Variants in DAPK1 observed in about 807,000 individuals in gnomAD.
The protein encoded by DAPK1 is death-associated protein kinase 1.
In DAPK1, 56 loss-of-function variants were observed where a neutral mutation model predicts 144.9. That is an observed-to-expected ratio of 0.39 (90% CI 0.31 to 0.48). The LOEUF is 0.48. Among genes scored for constraint, DAPK1 ranks in the 20% least tolerant of loss-of-function variants. The pLI, the probability that DAPK1 is intolerant of heterozygous loss-of-function variation, is 0.95. For missense variants in DAPK1, 1,454 were observed against 1,875.4 expected (o/e 0.78, Z 4.15); for synonymous variants, 690 against 749.0 (o/e 0.92, Z 1.29).
chr9:87,656,191 T>C (rs1238072882), intron 17 of DAPK1, among the ~76,000 whole-genome samples: 1 of 152,118 alleles, frequency 6.6e-6, no homozygotes, highest in Non-Finnish European at 1.5e-5. Flanking sequence ...GGGAAGCCAG[T>C]GTGTCTGCCG....
At chr9:87,666,092 A>G (rs1156432616) in intron 18 of DAPK1, among the ~76,000 whole-genome samples, 1 of 152,214 alleles carries the variant, frequency 6.6e-6, no homozygotes, top group Non-Finnish European at 1.5e-5. Context: ...ACAGAAGGCC[A>G]GGTAGTTAGG....
Position 87,643,423 on chromosome 9 carries a change from C to T in DAPK1, c.966C>T (p.Phe322=), listed in dbSNP as rs747640962. 3.1e-6 allele frequency: 5 copies of T among 1,602,246 alleles called. No homozygotes were observed. The highest frequency in any genetic ancestry group is 4.3e-6 in the Non-Finnish European group (5 of 1,175,776). Residue 322 remains phenylalanine (F), a synonymous_variant, in exon 11 of 26, where the codon TTC becomes TTT. Coordinates refer to ENST00000408954, the MANE Select transcript of DAPK1 (RefSeq NM_004938.4). ...ISLCQRLSRS[F]LSRSNMSVAR... is the part of the protein sequence containing the mutation. ...TGTGCCAAAGATTATCCAGGTCATT[C>T]CTGTCCAGAAGTAACATGAGTGTTG...
intron 25 of DAPK1, among the ~76,000 whole-genome samples, chr9:87,705,865 A>T (rs36220120): frequency 1.3e-5 from 2 of 150,640 alleles, no homozygotes; most frequent in East Asian, 2.0e-4. Flanking sequence ...GCCATCTCCC[A>T]TTTTTTTTTC....
At chr9:87,540,472 T>A (rs1386868287) in intron 2 of DAPK1, among the ~76,000 whole-genome samples, 1 of 152,228 alleles carries the variant, frequency 6.6e-6, no homozygotes, top group Non-Finnish European at 1.5e-5. Context: ...GTTACCGGCA[T>A]GAGCCGCCGT....
At chr9:87,600,220 T>C (rs1828468124) in intron 2 of DAPK1, among the ~76,000 whole-genome samples, 1 of 152,180 alleles carries the variant, frequency 6.6e-6, no homozygotes, top group Non-Finnish European at 1.5e-5. Flanking sequence ...CACGATCCTC[T>C]CCAATTTTCC....
intron 2 of DAPK1, among the ~76,000 whole-genome samples, chr9:87,561,429 G>A (rs1422493134): frequency 7.2e-5 from 11 of 152,062 alleles, no homozygotes; most frequent in Admixed American, 7.2e-4. Context: ...GGGAGGCTGA[G>A]GCAGGAGAAT....
chr9:87,576,663 T>C (rs1367453017), intron 2 of DAPK1, among the ~76,000 whole-genome samples: 2 of 152,210 alleles, frequency 1.3e-5, no homozygotes, highest in African/African-American at 4.8e-5. Flanking sequence ...GTTCAAGTGA[T>C]TCTCCTGCCT....
intron 2 of DAPK1, among the ~76,000 whole-genome samples, chr9:87,593,217 G>A (rs1828202010): frequency 6.6e-6 from 1 of 152,224 alleles, no homozygotes; most frequent in South Asian, 2.1e-4. Context: ...ATGCCACATA[G>A]TGCCAGTGCC....
chr9:87,675,589 C>G (rs1824337248), intron 19 of DAPK1, among the ~76,000 whole-genome samples: 1 of 151,962 alleles, frequency 6.6e-6, no homozygotes, highest in South Asian at 2.1e-4. Context: ...GGGCCAAGTG[C>G]AGGCAGGTGT....
chr9:87,626,260 A>C (rs1829485556), intron 3 of DAPK1, among the ~76,000 whole-genome samples: 1 of 152,144 alleles, frequency 6.6e-6, no homozygotes. Context: ...AACTAAACAC[A>C]AAAAATTAGC....
chr9:87,593,684 T>C (rs942984083), intron 2 of DAPK1, among the ~76,000 whole-genome samples: 3 of 152,228 alleles, frequency 2.0e-5, no homozygotes, highest in Admixed American at 2.0e-4. Context: ...ATAAGGAACT[T>C]CAGCTTAGCT....
chr9:87,555,924 G>A (rs1038212655), intron 2 of DAPK1, among the ~76,000 whole-genome samples: 1 of 152,234 alleles, frequency 6.6e-6, no homozygotes, highest in East Asian at 1.9e-4. Flanking sequence ...AATTGCATGG[G>A]AAAATTATTA....
intron 3 of DAPK1, among the ~76,000 whole-genome samples, chr9:87,637,339 G>A (rs940009657): frequency 1.3e-5 from 2 of 151,960 alleles, no homozygotes; most frequent in African/African-American, 4.8e-5. Flanking sequence ...TGATCCGCCC[G>A]CCTCAGCCTC....
At chr9:87,550,339 G>C (rs1039666535) in intron 2 of DAPK1, among the ~76,000 whole-genome samples, 2 of 152,248 alleles carry the variant, frequency 1.3e-5, no homozygotes, top group African/African-American at 4.8e-5. Context: ...TGCTAGGGCT[G>C]TTATAACAAA....
chr9:87,575,472 T>C lies in DAPK1; in HGVS notation c.63-29482T>C, dbSNP rs143650282. Among the ~76,000 whole-genome samples, 1,115 of 152,050 alleles carry C rather than the reference T, an allele frequency of 7.3e-3. 15 individuals carry two copies. The highest frequency in any genetic ancestry group is 0.026 in the African/African-American group (1,058 of 41,466). On this transcript the variant is annotated intron_variant, in intron 2 of 25. Coordinates refer to ENST00000408954, the MANE Select transcript of DAPK1 (RefSeq NM_004938.4). ...GCATTGGGTGCTTTATGGGGTGTTGTGAGGGCAAGAAACCTTAAGGAGCGT... is the reference window on the plus strand; with the variant it reads ...GCATTGGGTGCTTTATGGGGTGTTGCGAGGGCAAGAAACCTTAAGGAGCGT...
intron 4 of DAPK1, 90 bp downstream of exon 4, chr9:87,638,171 A>G: frequency 7.4e-7 from 1 of 1,354,678 alleles, no homozygotes; most frequent in Non-Finnish European, 1.0e-6. Flanking sequence ...CATCTGAAAG[A>G]GTTACATGAT....
chr9:87,610,011 C>G (rs930879246), intron 3 of DAPK1, among the ~76,000 whole-genome samples: 1 of 152,214 alleles, frequency 6.6e-6, no homozygotes, highest in Non-Finnish European at 1.5e-5. Flanking sequence ...TCATGAACCA[C>G]TGCCACTGAC....
rs958588734 is a variant in DAPK1, at chr9:87,681,842, G to A, written c.2224+216G>A. ...GACTGACTTGGCAGTAGCAAAACAAGGGCCTCACTGAAATCACAGCCACAG... is the reference window on the plus strand; with the variant it reads ...GACTGACTTGGCAGTAGCAAAACAAAGGCCTCACTGAAATCACAGCCACAG... On this transcript the variant is annotated intron_variant, in intron 20 of 25. Coordinates refer to ENST00000408954, the MANE Select transcript of DAPK1 (RefSeq NM_004938.4). 6.8e-6 allele frequency: 4 copies of A among 585,458 alleles called. No homozygotes were observed. The African/African-American group carries it at 7.5e-5, about 11-fold the overall frequency. The allele number at this position is 585,458 out of a possible 1,614,324, so 36.3% of individuals were successfully genotyped here. A position where few individuals can be genotyped will look rare whatever the true frequency, so the allele number is the denominator to read the frequency against.
intron 3 of DAPK1, among the ~76,000 whole-genome samples, chr9:87,624,215 A>T (rs1239559643): frequency 6.6e-6 from 1 of 152,210 alleles, no homozygotes; most frequent in Non-Finnish European, 1.5e-5. Flanking sequence ...GGCCCCTGAC[A>T]TGCTGCAGAT....
Sources: allele counts gnomAD v4.1 joint callset (sites outside exome capture counted in the v4.1 genomes callset), GRCh38; gene constraint gnomAD v4.1.1; transcripts MANE v1.5; gene names NCBI Gene and HGNC (gene_info 2026-07-23, HGNC 2026-07-21).